Variants in USP25 observed in about 807,000 individuals in gnomAD.
USP25 encodes ubiquitin carboxyl-terminal hydrolase 25.
USP25 carries 85 observed loss-of-function variants against 158.5 expected under a neutral mutation model. The ratio of observed to expected loss-of-function variants is 0.54; its 90% CI spans 0.45 to 0.64. USP25 has a LOEUF of 0.64. USP25 is among the 30% of genes least tolerant of loss of function. The probability of loss-of-function intolerance (pLI) is 0.00; values close to 1 mark genes in which losing one functional copy is unlikely to be tolerated. For synonymous variants in USP25, 464 were observed against 460.4 expected, an observed-to-expected ratio of 1.01 and a Z score of -0.10; for missense variants, 1,242 against 1,327.3, an observed-to-expected ratio of 0.94 and a Z score of 1.00.
chr21:15,852,204 G>C (rs1018107914), intron 20 of USP25, among the ~76,000 whole-genome samples: 1 of 151,838 alleles, frequency 6.6e-6, no homozygotes, highest in African/African-American at 2.4e-5. Context: ...AATTACTACA[G>C]AATTTCTATT....
Position 15,805,175 on chromosome 21 carries a change from G to C in USP25, c.697G>C (p.Val233Leu). The change falls in exon 7 of 26, where the codon GTT becomes CTT. Residue 233 changes from valine (V) to leucine (L), a missense_variant. Around this residue, in one of 3 missense-constraint regions of USP25, gnomAD observed 627 missense variants for 701.4 expected, o/e 0.89. Transcript: ENST00000400183. The stretch of plus-strand genomic sequence containing the variant: ...GCTGAGGTATCTATTTGCACTTCTT[G>C]TTGGTACCAAAAGGAAGTATGTTGA... ...RELRYLFALL[V>L]GTKRKYVDPS... 6.2e-7 allele frequency: 1 copy of C among 1,609,282 alleles called. No individual in the cohort carries two copies. The highest frequency in any genetic ancestry group is 8.5e-7 in the Non-Finnish European group (1 of 1,178,126).
chr21:15,873,902 ATTC>A (rs1420858504), intron 23 of USP25, among the ~76,000 whole-genome samples: 2 of 151,062 alleles, frequency 1.3e-5, no homozygotes, highest in Non-Finnish European at 3.0e-5. Context: ...TCCTTTAGAT[ATTC>A]TTATTTCTAT....
At chr21:15,786,297 C>G (rs1403255742) in intron 4 of USP25, among the ~76,000 whole-genome samples, 1 of 152,116 alleles carries the variant, frequency 6.6e-6, no homozygotes, top group Non-Finnish European at 1.5e-5. Context: ...ATGAGGCCAG[C>G]ATTACCCTGA....
At chr21:15,765,285 C>CT (rs1267919417) in intron 2 of USP25, among the ~76,000 whole-genome samples, 3 of 152,114 alleles carry the variant, frequency 2.0e-5, no homozygotes, top group Non-Finnish European at 4.4e-5. Context: ...AAAGATGTAA[C>CT]TGGGCAAGTC....
intron 1 of USP25, among the ~76,000 whole-genome samples, chr21:15,746,572 T>TTA (rs2032578805): frequency 6.6e-6 from 1 of 152,140 alleles, no homozygotes; most frequent in Admixed American, 6.6e-5. Flanking sequence ...TTTTTTGTAT[T>TTA]TTTAGTAGAG....
At chr21:15,817,717 C>T (rs1416754157) in intron 9 of USP25, among the ~76,000 whole-genome samples, 3 of 152,020 alleles carry the variant, frequency 2.0e-5, no homozygotes, top group Non-Finnish European at 4.4e-5. Flanking sequence ...AAGGGGAAAC[C>T]CCTTATAAAA....
intron 8 of USP25, among the ~76,000 whole-genome samples, chr21:15,809,830 C>G (rs2036569883): frequency 6.6e-6 from 1 of 152,082 alleles, no homozygotes; most frequent in African/African-American, 2.4e-5. Context: ...CTGAAAAGCA[C>G]AGAAGTTCTG....
intron 4 of USP25, among the ~76,000 whole-genome samples, chr21:15,784,024 G>C (rs183349998): frequency 2.0e-5 from 3 of 152,180 alleles, no homozygotes; most frequent in Admixed American, 2.0e-4. Context: ...AAGCAAAGGT[G>C]ATGGAATTCA....
rs1051250515 is a variant in USP25, at chr21:15,860,681, T to G, written c.2548-3587T>G. The stretch of plus-strand genomic sequence containing the variant: ...CCTCTGGAATTTGAAGTAAGTTTTC[T>G]TCATTTCTTGGCACTGTCAGTTTTT... On this transcript the variant is annotated intron_variant, in intron 20 of 25. Coordinates refer to ENST00000400183, the MANE Select transcript of USP25 (RefSeq NM_001283041.3). Among the ~76,000 whole-genome samples the G allele has an allele frequency of 3.9e-5, 6 of 152,218 alleles. No homozygotes were observed. The East Asian group carries it at 1.2e-3, about 29-fold the overall frequency.
At chr21:15,818,870 C>G in intron 10 of USP25, 24 bp downstream of exon 10, 2 of 1,610,638 alleles carry the variant, frequency 1.2e-6, no homozygotes, top group Non-Finnish European at 1.7e-6. Flanking sequence ...TTTCATTGTC[C>G]CCTTTCTTCC....
chr21:15,777,992 G>A lies in USP25; in HGVS notation c.357G>A (p.Glu119=), dbSNP rs780328219. The A allele has an allele frequency of 5.4e-5, 87 of 1,611,126 alleles. No homozygotes were observed. Among genetic ancestry groups the A allele is most frequent in the Non-Finnish European group, 7.3e-5 (86 of 1,178,808 alleles). Residue 119 remains glutamate (E), a synonymous_variant, in exon 4 of 26, where the codon GAG becomes GAA. Transcript: ENST00000400183. Reference sequence around the variant, plus strand: ...CCGAATCAAACAGGGCATTCAGGGAGACTGGAATAACTGATGAGGAACAAG... The same window carrying A: ...CCGAATCAAACAGGGCATTCAGGGAAACTGGAATAACTGATGAGGAACAAG... ...SLAESNRAFR[E]TGITDEEQAI...
rs2037755959 is a variant in USP25, at chr21:15,830,686, T to G, written c.1764+85T>G. The stretch of plus-strand genomic sequence containing the variant: ...CCTTTACATTATCTTAATCTAATTT[T>G]TCTTTACATGTTTTGTTTTAAAATT... On this transcript the variant is annotated intron_variant, in intron 15 of 25. Coordinates refer to ENST00000400183, the MANE Select transcript of USP25 (RefSeq NM_001283041.3). The G allele has an allele frequency of 2.0e-5, 22 of 1,118,714 alleles. No homozygotes were observed. In the South Asian group the frequency reaches 4.5e-4, roughly 23 times the overall value. The allele number at this position is 1,118,714 out of a possible 1,614,324, so 69.3% of individuals were successfully genotyped here.
chr21:15,866,271 A>C lies in USP25; in HGVS notation c.2732A>C (p.His911Pro), dbSNP rs2039654882. ...DRNLSFDERC[H>P]NIMKVAQAKL... ...TGTATGTGTTTTTTTTTAAGGTGTC[A>C]CAACATAATGAAAGTTGCTCAAGCC... The change falls in exon 22 of 26, where the codon CAC becomes CCC. Residue 911 changes from histidine to proline, a missense_variant. By Grantham distance (77) the His-to-Pro change is moderately conservative. Coordinates refer to ENST00000400183, the MANE Select transcript of USP25 (RefSeq NM_001283041.3). The C allele has an allele frequency of 6.2e-7, 1 of 1,602,584 alleles. No individual in the cohort carries two copies. Among genetic ancestry groups the C allele is most frequent in the Non-Finnish European group, 8.5e-7 (1 of 1,174,502 alleles).
intron 3 of USP25, among the ~76,000 whole-genome samples, chr21:15,774,942 A>G (rs1293214616): frequency 6.6e-6 from 1 of 152,170 alleles, no homozygotes; most frequent in Non-Finnish European, 1.5e-5. Flanking sequence ...ATATCTGAGT[A>G]GTATTATTTT....
Position 15,811,204 on chromosome 21 carries a change from C to T in USP25, c.925C>T (p.Leu309Phe), listed in dbSNP as rs770379457. Residue 309 changes from leucine (L) to phenylalanine (F), a missense_variant, in exon 9 of 26, where the codon CTT (leucine) becomes TTT (phenylalanine). Leu to Phe is a conservative substitution (Grantham distance 22, BLOSUM62 0). This residue lies in a region of USP25 where 627 missense variants were observed against 701.4 expected (regional missense o/e 0.89). Coordinates refer to ENST00000400183, the MANE Select transcript of USP25 (RefSeq NM_001283041.3). Reference protein sequence around the residue: ...FYGRFLAVGVLEGKKFENTEM... With the variant: ...FYGRFLAVGVFEGKKFENTEM... ...TGGCAGATTCCTGGCTGTGGGAGTA[C>T]TTGAAGGTAGAGTTATACATTTACT... The T allele has an allele frequency of 1.2e-6, 2 of 1,611,630 alleles. No individual in the cohort carries two copies. The highest frequency in any genetic ancestry group is 2.2e-5 in the East Asian group (1 of 44,758).
intron 1 of USP25, among the ~76,000 whole-genome samples, chr21:15,738,910 G>A (rs912009982): frequency 2.6e-5 from 4 of 151,988 alleles, no homozygotes; most frequent in Non-Finnish European, 2.9e-5. Flanking sequence ...TCTAATTACC[G>A]GTGCATGCAG....
intron 3 of USP25, among the ~76,000 whole-genome samples, chr21:15,776,875 A>C (rs765669084): frequency 4.6e-5 from 7 of 152,116 alleles, no homozygotes; most frequent in Non-Finnish European, 1.0e-4. Flanking sequence ...AATAACTAAA[A>C]TGAAGGCAAA....
intron 17 of USP25, among the ~76,000 whole-genome samples, chr21:15,840,043 G>A (rs1481235179): frequency 6.6e-6 from 1 of 151,774 alleles, no homozygotes; most frequent in Non-Finnish European, 1.5e-5. Context: ...CTTCTCTATT[G>A]TACTTATATT....
At chr21:15,735,710 T>C (rs866473762) in intron 1 of USP25, among the ~76,000 whole-genome samples, 2 of 152,310 alleles carry the variant, frequency 1.3e-5, no homozygotes, top group South Asian at 2.1e-4. Context: ...TGGTGGTGTA[T>C]GATCTTTTTT....
Sources: gnomAD v4.1 joint callset for allele counts (sites outside exome capture counted in the v4.1 genomes callset) on GRCh38, gnomAD v4.1.1 for gene constraint, gnomAD v4.1.1 regional missense constraint, MANE v1.5 for transcripts, NCBI Gene and HGNC (gene_info 2026-07-23, HGNC 2026-07-21) for gene names.